Variants in ABLIM1 observed in about 807,000 individuals in gnomAD.
The protein encoded by ABLIM1 is actin-binding LIM protein 1.
In ABLIM1, 40 loss-of-function variants were observed where a neutral mutation model predicts 107.0. That is an observed-to-expected ratio of 0.37 (90% confidence interval 0.29 to 0.49). ABLIM1 has a LOEUF of 0.49. Ranked by LOEUF, ABLIM1 falls within the 20% of genes least tolerant of loss-of-function variation. The pLI is 0.97. For missense variants in ABLIM1, 857 were observed against 1,008.5 expected (o/e 0.85, Z 2.04); for synonymous variants, 357 against 357.3 (o/e 1.00, Z 0.01).
intron 6 of ABLIM1, among the ~76,000 whole-genome samples, chr10:114,519,337 A>G (rs2063375296): frequency 6.6e-6 from 1 of 152,190 alleles, no homozygotes; most frequent in Non-Finnish European, 1.5e-5. Flanking sequence ...TATCACCTTG[A>G]ACACAGAAAA....
chr10:114,465,644 A>T (rs1035460863), intron 12 of ABLIM1, 54 bp downstream of exon 12: 59 of 1,589,726 alleles, frequency 3.7e-5, no homozygotes, highest in Non-Finnish European at 4.8e-5. Context: ...AGGGGAAAAA[A>T]TCACAGAAAC....
At chr10:114,571,467 T>G in intron 3 of ABLIM1, 61 bp from the exon 4 acceptor site, 1 of 1,514,654 alleles carries the variant, frequency 6.6e-7, no homozygotes, top group Non-Finnish European at 9.2e-7. Flanking sequence ...TTTTCCTTAT[T>G]CCTTCTGCTT....
At chr10:114,740,671 A>G (rs771911965) in intron 1 of ABLIM1, among the ~76,000 whole-genome samples, 4 of 152,148 alleles carry the variant, frequency 2.6e-5, no homozygotes, top group Non-Finnish European at 4.4e-5. Flanking sequence ...TAATTTCAAT[A>G]GTATATATAT....
chr10:114,557,761 C>T (rs992745139), intron 4 of ABLIM1, among the ~76,000 whole-genome samples: 1 of 148,110 alleles, frequency 6.8e-6, no homozygotes, highest in Non-Finnish European at 1.5e-5. Context: ...TAGCAAACTC[C>T]CCTTAAAATG....
chr10:114,760,167 T>C (rs2082714302), intron 1 of ABLIM1, among the ~76,000 whole-genome samples: 1 of 152,026 alleles, frequency 6.6e-6, no homozygotes, highest in Non-Finnish European at 1.5e-5. Flanking sequence ...GTTCAATAAA[T>C]ACTAGCTGAT....
chr10:114,699,824 A>G (rs1294838887), intron 1 of ABLIM1, among the ~76,000 whole-genome samples: 1 of 152,224 alleles, frequency 6.6e-6, no homozygotes, highest in Non-Finnish European at 1.5e-5. Context: ...AGGGCAGCCC[A>G]AAGGATCCTT....
chr10:114,592,711 A>G (rs1370053075), intron 2 of ABLIM1, among the ~76,000 whole-genome samples: 1 of 152,170 alleles, frequency 6.6e-6, no homozygotes, highest in Non-Finnish European at 1.5e-5. Flanking sequence ...GATTTTGTAC[A>G]TACTATGAAG....
chr10:114,575,577 T>A lies in ABLIM1; in HGVS notation c.402A>T (p.Gln134His). 6.2e-7 allele frequency: 1 copy of A among 1,613,958 alleles called. No individual in the cohort carries two copies. Among genetic ancestry groups the A allele is most frequent in the Non-Finnish European group, 8.5e-7 (1 of 1,179,888 alleles). Residue 134 changes from glutamine (Q) to histidine (H), a missense_variant, in exon 3 of 23, where the codon CAA becomes CAT. Gln to His is a conservative substitution (Grantham distance 24). Transcript: ENST00000533213. Reference protein sequence around the residue: ...TCKVCGCDLAQGGFFIKNGEY... With the variant: ...TCKVCGCDLAHGGFFIKNGEY... ...CTCCGTTCTTTATGAAGAAGCCCCC[T>A]TGTGCCAGGTCACAGCCACACACTG...
chr10:114,757,905 C>T (rs1024453039), intron 1 of ABLIM1, among the ~76,000 whole-genome samples: 4 of 152,138 alleles, frequency 2.6e-5, no homozygotes, highest in African/African-American at 9.7e-5. Context: ...GACTTCATCT[C>T]CATCCCTCTC....
upstream of ABLIM1, among the ~76,000 whole-genome samples, chr10:114,686,794 A>AT (rs1215830632): frequency 0.01 from 1,492 of 143,450 alleles, 22 homozygotes; most frequent in African/African-American, 0.035. Flanking sequence ...ATGCCCGGCT[A>AT]TTTTTTTTTT....
intron 4 of ABLIM1, among the ~76,000 whole-genome samples, chr10:114,567,986 C>G (rs1018495658): frequency 2.6e-5 from 4 of 151,232 alleles, no homozygotes; most frequent in African/African-American, 4.9e-5. Flanking sequence ...GTCAGGAGAT[C>G]GAGACCATCC....
chr10:114,752,421 G>A (rs1031022771), intron 1 of ABLIM1, among the ~76,000 whole-genome samples: 3 of 152,186 alleles, frequency 2.0e-5, no homozygotes, highest in African/African-American at 7.2e-5. Context: ...TGAATTCTCA[G>A]GTTTCATTTA....
chr10:114,749,542 T>A (rs1461008023), intron 1 of ABLIM1, among the ~76,000 whole-genome samples: 1 of 150,074 alleles, frequency 6.7e-6, no homozygotes, highest in African/African-American at 2.5e-5. Flanking sequence ...AAGTCACAGA[T>A]CAGGGGTACT....
At position 114,432,201 on chromosome 10, in the gene ABLIM1, T is replaced by G. The variant is rs2058928138; in HGVS notation, c.*4059A>C. ...TTCATTGGTTAGAAGAGAATAATTG[T>G]AAAAATCAAATAAAATTGAGGCTGG... On this transcript the variant is annotated 3_prime_UTR_variant, in exon 23 of 23. Coordinates refer to ENST00000533213, the MANE Select transcript of ABLIM1 (RefSeq NM_002313.7). 6.6e-6 allele frequency: 1 copy of G among 152,178 alleles called. No individual in the cohort carries two copies. The highest frequency in any genetic ancestry group is 1.5e-5 in the Non-Finnish European group (1 of 68,024). The allele number at this position is 152,178 out of a possible 1,614,324, so 9.4% of individuals were successfully genotyped here. A position where few individuals can be genotyped will look rare whatever the true frequency, so the allele number is the denominator to read the frequency against.
the ABLIM1 span, among the ~76,000 whole-genome samples, chr10:114,789,311 T>C: frequency 6.6e-6 from 1 of 152,130 alleles, no homozygotes; most frequent in Non-Finnish European, 1.5e-5. Context: ...ATGTTGACCA[T>C]ACTCTGCTAA....
chr10:114,450,113 C>T, intron 14 of ABLIM1: 1 of 396,066 alleles, frequency 2.5e-6, no homozygotes, highest in Non-Finnish European at 5.1e-6. Flanking sequence ...AAATTAACAA[C>T]AAAAGGATGA....
In ABLIM1 at chr10:114,754,681, C is replaced by T. The variant is rs559454707; in HGVS notation, c.-213+13380G>A. Among the ~76,000 whole-genome samples, 8 of 152,308 alleles carry T rather than the reference C, an allele frequency of 5.3e-5. No individual in the cohort carries two copies. In the East Asian group the frequency reaches 7.7e-4, roughly 15 times the overall value. On this transcript the variant is annotated intron_variant, in intron 1 of 15. Coordinates refer to the ABLIM1 transcript ENST00000651092. Reference sequence around the variant, plus strand: ...AGGGCAGGCTAATCTCCAAGAAACACTAATAAAAATGCTCACTTAAATCAA... The same window carrying T: ...AGGGCAGGCTAATCTCCAAGAAACATTAATAAAAATGCTCACTTAAATCAA...
intron 4 of ABLIM1, among the ~76,000 whole-genome samples, chr10:114,559,610 C>T (rs958190698): frequency 6.6e-6 from 1 of 152,192 alleles, no homozygotes; most frequent in African/African-American, 2.4e-5. Context: ...TAGCACATGG[C>T]TCTACCAGTG....
intron 6 of ABLIM1, among the ~76,000 whole-genome samples, chr10:114,516,426 A>C (rs1410198459): frequency 6.6e-6 from 1 of 152,174 alleles, no homozygotes; most frequent in Non-Finnish European, 1.5e-5. Flanking sequence ...AGGGAGGCTG[A>C]GGCAGGAGAA....
Sources: allele counts gnomAD v4.1 joint callset (sites outside exome capture counted in the v4.1 genomes callset), GRCh38; gene constraint gnomAD v4.1.1; transcripts MANE v1.5; gene names NCBI Gene and HGNC (gene_info 2026-07-23, HGNC 2026-07-21).